POF1B: variants seen among roughly 807,000 people sequenced by gnomAD.
POF1B encodes protein POF1B.
POF1B carries 53 observed loss-of-function variants against 55.3 expected under a neutral mutation model. That is an observed-to-expected ratio of 0.96 (90% CI 0.77 to 1.20). POF1B has a LOEUF of 1.20. POF1B is among the 50% of genes most tolerant of loss of function. POF1B has a pLI of 0.00. For synonymous variants in POF1B, 188 were observed against 148.3 expected, an observed-to-expected ratio of 1.27 and a Z score of -1.95; for missense variants, 478 against 420.5, an observed-to-expected ratio of 1.14 and a Z score of -1.20.
intron 15 of POF1B, among the ~76,000 whole-genome samples, chrX:85,298,956 T>C (rs986830713): frequency 3.8e-5 from 4 of 105,606 alleles, no homozygotes; most frequent in African/African-American, 1.4e-4. Context: ...TCAGTGAAAA[T>C]ATACAACAAC....
chrX:85,366,418 G>T (rs1433210111), intron 3 of POF1B, among the ~76,000 whole-genome samples: 1 of 111,204 alleles, frequency 9.0e-6, no homozygotes. Flanking sequence ...ATCTCTAGGT[G>T]GGGGAAGGAA....
intron 15 of POF1B, among the ~76,000 whole-genome samples, chrX:85,296,685 T>C (rs969227438): frequency 8.9e-6 from 1 of 112,021 alleles, no homozygotes; most frequent in African/African-American, 3.2e-5. Flanking sequence ...TTCTTTCACA[T>C]TGACCTTCGT....
chrX:85,299,290 CTTTTTT>C (rs755021082), intron 15 of POF1B, among the ~76,000 whole-genome samples: 1 of 62,018 alleles, frequency 1.6e-5, no homozygotes. Flanking sequence ...CTCCTGTTTT[CTTTTTT>C]TTTTTTTTTT....
chrX:85,323,352 A>T (rs1421805639), intron 7 of POF1B, among the ~76,000 whole-genome samples: 7 of 107,150 alleles, frequency 6.5e-5, no homozygotes, highest in Non-Finnish European at 1.3e-4. Context: ...AGGACAAAAA[A>T]CCAAGCACCG....
chrX:85,340,245 T>C (rs1436242073), intron 6 of POF1B, among the ~76,000 whole-genome samples: 2 of 110,889 alleles, frequency 1.8e-5, no homozygotes, highest in Non-Finnish European at 3.8e-5. Flanking sequence ...GACTCTCTAG[T>C]ATACAAAGAA....
At chrX:85,345,578 C>T (rs185209235) in intron 6 of POF1B, among the ~76,000 whole-genome samples, 4 of 111,037 alleles carry the variant, frequency 3.6e-5, no homozygotes, top group African/African-American at 1.3e-4. Flanking sequence ...CATTGCACAA[C>T]TGTTGGGCCC....
chrX:85,338,336 T>C (rs1440367726), intron 6 of POF1B, among the ~76,000 whole-genome samples: 1 of 111,457 alleles, frequency 9.0e-6, no homozygotes, highest in African/African-American at 3.3e-5. Flanking sequence ...TTGTAAGAGG[T>C]GCTTTAACAA....
intron 5 of POF1B, among the ~76,000 whole-genome samples, chrX:85,347,419 C>T (rs1933294825): frequency 9.0e-6 from 1 of 110,974 alleles, no homozygotes; most frequent in Admixed American, 9.6e-5. Context: ...TCTGCTGTAA[C>T]ATGTTTTAAA....
At chrX:85,329,644 TAA>T (rs1223303666) in intron 7 of POF1B, among the ~76,000 whole-genome samples, 2,633 of 104,869 alleles carry the variant, frequency 0.025, 103 homozygotes, top group African/African-American at 0.088. Flanking sequence ...TTTTTTTTTT[TAA>T]AAAAAGAGAA....
intron 2 of POF1B, among the ~76,000 whole-genome samples, chrX:85,372,016 A>C (rs1382484102): frequency 8.9e-6 from 1 of 111,935 alleles, no homozygotes; most frequent in African/African-American, 3.2e-5. Context: ...CACAAACATT[A>C]TACTTTATTG....
At chrX:85,308,049 T>C in intron 10 of POF1B, 75 bp downstream of exon 10, 1 of 594,586 alleles carries the variant, frequency 1.7e-6, no homozygotes, top group Non-Finnish European at 2.6e-6. Flanking sequence ...TAAAAACATA[T>C]ACTGGACATC....
intron 15 of POF1B, among the ~76,000 whole-genome samples, chrX:85,295,159 G>A (rs987693155): frequency 4.5e-5 from 5 of 110,979 alleles, no homozygotes; most frequent in Non-Finnish European, 7.6e-5. Flanking sequence ...TTATTCTTTC[G>A]AAGTACCAAC....
intron 7 of POF1B, among the ~76,000 whole-genome samples, chrX:85,322,951 G>T (rs1398757465): frequency 9.1e-6 from 1 of 109,798 alleles, no homozygotes; most frequent in African/African-American, 3.3e-5. Flanking sequence ...AACAACAGGT[G>T]CTGGAGAGGA....
At chrX:85,313,427 A>C (rs1296125543) in intron 9 of POF1B, among the ~76,000 whole-genome samples, 1 of 111,774 alleles carries the variant, frequency 8.9e-6, no homozygotes, top group Non-Finnish European at 1.9e-5. Flanking sequence ...GCCTTTATTG[A>C]GATAGTCATG....
In POF1B at chrX:85,307,559, G is replaced by A. The variant is rs1043590593; in HGVS notation, c.1051-283C>T. 8.1e-5 allele frequency among the ~76,000 whole-genome samples: 9 copies of A among 110,849 alleles called. No homozygotes were observed. The East Asian group carries it at 1.1e-3, about 14-fold the overall frequency. ...TTCCTCCAATCTACAAAGAGTCCTC[G>A]TTAATCCCAGCGAGTGGTAAATTTT... On this transcript the variant is annotated intron_variant, in intron 10 of 16. Coordinates refer to ENST00000262753, the MANE Select transcript of POF1B (RefSeq NM_024921.4).
At chrX:85,304,550 G>A in intron 13 of POF1B, 79 bp from the exon 14 acceptor site, 3 of 561,118 alleles carry the variant, frequency 5.3e-6, no homozygotes, top group Non-Finnish European at 7.4e-6. Flanking sequence ...GAGGTTAAGT[G>A]ACACAAACTC....
At position 85,339,937 on chromosome X, in the gene POF1B, C is replaced by T. The variant is rs745651116; in HGVS notation, c.723+5923G>A. 9.0e-5 allele frequency among the ~76,000 whole-genome samples: 10 copies of T among 110,990 alleles called. No homozygotes were observed. In the South Asian group the frequency reaches 3.1e-3, roughly 34 times the overall value. ...AAGTAGCATTGGGATAACCAGGGAA[C>T]TTGAAAATGCAGATTATCAGGCCCC... On this transcript the variant is annotated intron_variant, in intron 6 of 16. Coordinates refer to ENST00000262753, the MANE Select transcript of POF1B (RefSeq NM_024921.4).
chrX:85,302,564 A>G (rs1932482579), intron 15 of POF1B, among the ~76,000 whole-genome samples: 1 of 111,394 alleles, frequency 9.0e-6, no homozygotes, highest in Admixed American at 9.5e-5. Flanking sequence ...TGACCTATCA[A>G]TTCCACTCCT....
At chrX:85,312,890 C>T (rs769017387) in intron 9 of POF1B, among the ~76,000 whole-genome samples, 3 of 111,438 alleles carry the variant, frequency 2.7e-5, no homozygotes, top group Non-Finnish European at 5.7e-5. Context: ...AAGTCCTTCA[C>T]ATCCCTTATA....
Sources: allele counts gnomAD v4.1 joint callset (sites outside exome capture counted in the v4.1 genomes callset), GRCh38; gene constraint gnomAD v4.1.1; transcripts MANE v1.5; gene names NCBI Gene and HGNC (gene_info 2026-07-23, HGNC 2026-07-21).